Variants in FANCL observed in about 807,000 individuals in gnomAD.
The protein encoded by FANCL is E3 ubiquitin-protein ligase FANCL.
Under a neutral mutation model 59.4 loss-of-function variants are expected in FANCL, and 69 were observed. The observed-to-expected ratio is 1.16, with a 90% CI of 0.96 to 1.42. The LOEUF is 1.42. Among genes scored for constraint, FANCL ranks in the 40% most tolerant of loss-of-function variants. FANCL has a pLI of 0.00. For missense variants in FANCL, 519 were observed against 447.2 expected (o/e 1.16, Z -1.45); for synonymous variants, 180 against 147.1 (o/e 1.22, Z -1.62).
chr2:58,211,284 G>T (rs527443580), intron 5 of FANCL, among the ~76,000 whole-genome samples: 1 of 152,156 alleles, frequency 6.6e-6, no homozygotes, highest in Non-Finnish European at 1.5e-5. Flanking sequence ...AAGGCTTGGG[G>T]TTTGCACCCT....
In FANCL at chr2:58,162,412, C is replaced by T. The variant is rs190410522; in HGVS notation, c.903+454G>A. ...TTTAATAAATGTCTGTCATTAATGA[C>T]GTCACTACTGAAGACCATGAAAAAA... On this transcript the variant is annotated intron_variant, in intron 11 of 13. Transcript: ENST00000233741. Among the ~76,000 whole-genome samples, 271 of 151,932 alleles carry T rather than the reference C, an allele frequency of 1.8e-3. 1 individual carries two copies. The highest frequency in any genetic ancestry group is 2.0e-3 in the Non-Finnish European group (135 of 67,790).
At chr2:58,211,358 A>T (rs570702854) in intron 5 of FANCL, among the ~76,000 whole-genome samples, 1 of 152,180 alleles carries the variant, frequency 6.6e-6, no homozygotes, top group Non-Finnish European at 1.5e-5. Context: ...GCTGGGATGC[A>T]GGGAACCAAG....
At chr2:58,215,061 C>G (rs1691575036) in intron 5 of FANCL, among the ~76,000 whole-genome samples, 1 of 152,158 alleles carries the variant, frequency 6.6e-6, no homozygotes, top group African/African-American at 2.4e-5. Flanking sequence ...CTTGACAAAC[C>G]CTTTCTACAT....
chr2:58,241,114 C>T, intron 1 of FANCL, 104 bp downstream of exon 1: 1 of 1,235,692 alleles, frequency 8.1e-7, no homozygotes, highest in Non-Finnish European at 1.2e-6. Flanking sequence ...CCCTCTCAAT[C>T]CCCACAAGTC....
chr2:58,198,960 C>T (rs555543811), intron 6 of FANCL, among the ~76,000 whole-genome samples: 2 of 144,328 alleles, frequency 1.4e-5, no homozygotes, highest in South Asian at 2.2e-4. Context: ...ACCTGGGAGG[C>T]GGAGATGGCA....
At chr2:58,191,342 T>C (rs1573643895) in intron 7 of FANCL, among the ~76,000 whole-genome samples, 2 of 152,000 alleles carry the variant, frequency 1.3e-5, no homozygotes, top group Admixed American at 6.6e-5. Flanking sequence ...TCACATGTTT[T>C]CTCTTACTTA....
intron 5 of FANCL, among the ~76,000 whole-genome samples, chr2:58,214,820 A>C (rs548211051): frequency 2.0e-5 from 3 of 152,086 alleles, no homozygotes; most frequent in African/African-American, 4.8e-5. Flanking sequence ...GCCCATGAGG[A>C]ATCTTAAGTC....
At chr2:58,221,413 TAA>T (rs1465288207) in intron 5 of FANCL, among the ~76,000 whole-genome samples, 1 of 152,140 alleles carries the variant, frequency 6.6e-6, no homozygotes, top group African/African-American at 2.4e-5. Context: ...TTACTGAACT[TAA>T]GTTTCTTTAT....
At chr2:58,235,066 G>C (rs555167245) in intron 1 of FANCL, among the ~76,000 whole-genome samples, 4 of 151,992 alleles carry the variant, frequency 2.6e-5, no homozygotes, top group African/African-American at 9.7e-5. Flanking sequence ...AAACAAATAA[G>C]AGCATAATAT....
At chr2:58,209,336 T>C (rs1322814104) in intron 5 of FANCL, among the ~76,000 whole-genome samples, 4 of 152,190 alleles carry the variant, frequency 2.6e-5, no homozygotes, top group Non-Finnish European at 5.9e-5. Flanking sequence ...GCAAACTGTT[T>C]TAATTAAATA....
At chr2:58,205,107 AG>A (rs1383527739) in intron 5 of FANCL, among the ~76,000 whole-genome samples, 1 of 152,056 alleles carries the variant, frequency 6.6e-6, no homozygotes, top group African/African-American at 2.4e-5. Context: ...CTTATCACCC[AG>A]GCTGATAGTA....
intron 5 of FANCL, among the ~76,000 whole-genome samples, chr2:58,204,485 C>T (rs1690378629): frequency 2.0e-5 from 3 of 152,076 alleles, no homozygotes; most frequent in Non-Finnish European, 4.4e-5. Context: ...TCAGTGAGCA[C>T]TATGTTTCAG....
intron 5 of FANCL, among the ~76,000 whole-genome samples, chr2:58,214,233 T>C (rs968955135): frequency 2.0e-5 from 3 of 152,300 alleles, no homozygotes; most frequent in Non-Finnish European, 4.4e-5. Flanking sequence ...GATATTCATA[T>C]CCTTATTTTT....
chr2:58,161,944 C>T (rs912778294), intron 11 of FANCL, among the ~76,000 whole-genome samples: 1 of 151,814 alleles, frequency 6.6e-6, no homozygotes, highest in Non-Finnish European at 1.5e-5. Flanking sequence ...AATATAATTA[C>T]ATTACTATTT....
intron 12 of FANCL, among the ~76,000 whole-genome samples, chr2:58,160,637 C>A (rs1208905761): frequency 6.6e-6 from 1 of 151,702 alleles, no homozygotes; most frequent in Non-Finnish European, 1.5e-5. Context: ...AATTTTCAAC[C>A]CATTGATTAT....
chr2:58,220,274 T>G (rs1692339851), intron 5 of FANCL, among the ~76,000 whole-genome samples: 1 of 152,196 alleles, frequency 6.6e-6, no homozygotes, highest in Non-Finnish European at 1.5e-5. Context: ...TAAAGAAGTA[T>G]TCATAAAAAA....
rs560317714 is a variant in FANCL at position 58,160,277 on chromosome 2, T to A, written c.1021-98A>T. The stretch of plus-strand genomic sequence containing the variant: ...TTTGTTTTTAAGTGCATTATGTTTT[T>A]ATTCCAGAAGACTTAGCTTAATTTT... On this transcript the variant is annotated intron_variant, in intron 12 of 13. Transcript: ENST00000233741. 74 of 1,256,242 alleles carry A rather than the reference T, an allele frequency of 5.9e-5. No homozygotes were observed. In the South Asian group the frequency reaches 8.7e-4, roughly 15 times the overall value. 77.8% of individuals were successfully genotyped at this position (1,256,242 alleles called of 1,614,324 possible). A position where few individuals can be genotyped will look rare whatever the true frequency, so the allele number is the denominator to read the frequency against.
intron 7 of FANCL, among the ~76,000 whole-genome samples, chr2:58,185,454 C>A (rs1240908034): frequency 6.6e-6 from 1 of 152,082 alleles, no homozygotes; most frequent in African/African-American, 2.4e-5. Flanking sequence ...GACATTTAAA[C>A]CTTGAGATCA....
chr2:58,176,217 T>C (rs556122841), intron 7 of FANCL, among the ~76,000 whole-genome samples: 9 of 152,168 alleles, frequency 5.9e-5, no homozygotes, highest in Non-Finnish European at 1.3e-4. Context: ...ACGTACTTTA[T>C]AGATTCAATG....
Sources: gnomAD v4.1 joint callset for allele counts (sites outside exome capture counted in the v4.1 genomes callset) on GRCh38, gnomAD v4.1.1 for gene constraint, MANE v1.5 for transcripts, NCBI Gene and HGNC (gene_info 2026-07-23, HGNC 2026-07-21) for gene names.